RBM44: variants seen among roughly 807,000 people sequenced by gnomAD.
The protein encoded by RBM44 is RNA-binding protein 44.
Under a neutral mutation model 105.1 loss-of-function variants are expected in RBM44, and 66 were observed. The observed-to-expected ratio is 0.63, with a 90% CI of 0.52 to 0.77. RBM44 has a LOEUF of 0.77. RBM44 is among the 30% of genes least tolerant of loss of function. The probability of loss-of-function intolerance (pLI) is 0.00; values close to 1 mark genes in which losing one functional copy is unlikely to be tolerated. For synonymous variants in RBM44, 365 were observed against 417.6 expected (o/e 0.87, Z 1.54); for missense variants, 1,122 against 1,207.8 (o/e 0.93, Z 1.05).
intron 1 of RBM44, among the ~76,000 whole-genome samples, chr2:237,806,953 T>C (rs1161795605): frequency 1.3e-5 from 2 of 152,224 alleles, no homozygotes; most frequent in African/African-American, 4.8e-5. Context: ...TTTATAAGAT[T>C]GTTATCTTTT....
rs1478281333 is a variant in RBM44, at chr2:237,827,335, C to T, written c.2529+6C>T. ...TCTGCCCTTCAGTATCTGAGGTATA[C>T]CAGGATTATTTTTTTGAGCTTCATT... On this transcript the variant is annotated splice_donor_region_variant and intron_variant, in intron 11 of 15. Transcript: ENST00000316997. 1 of 1,544,506 alleles carries T rather than the reference C, an allele frequency of 6.5e-7. No homozygotes were observed. The highest frequency in any genetic ancestry group is 8.9e-7 in the Non-Finnish European group (1 of 1,128,832).
chr2:237,811,142 A>G (rs2061654391), intron 1 of RBM44, among the ~76,000 whole-genome samples: 1 of 152,176 alleles, frequency 6.6e-6, no homozygotes, highest in Non-Finnish European at 1.5e-5. Flanking sequence ...ATTAACCCTC[A>G]GTTTCACCTG....
rs1559912307 is a variant in RBM44 at position 237,817,733 on chromosome 2, GA to G, written c.816del (p.Glu272AspfsTer5). 1.2e-6 allele frequency: 2 copies of G among 1,612,272 alleles called. No homozygotes were observed. The highest frequency in any genetic ancestry group is 1.7e-6 in the Non-Finnish European group (2 of 1,179,130). On this transcript the variant is annotated frameshift_variant, in exon 3 of 16. Coordinates refer to ENST00000316997, the MANE Select transcript of RBM44 (RefSeq NM_001080504.3). LOFTEE classifies it high-confidence loss of function. Reference sequence around the variant, plus strand: ...ATTTCAGAATTCTGTTATGTTAAGAGAATATCATGACCTAAAGCATGAAAAG... The same window carrying G: ...ATTTCAGAATTCTGTTATGTTAAGAGATATCATGACCTAAAGCATGAAAAG... ...SKFQNSVMLR[E>X]YHDLKHEKYK... is the part of the protein sequence containing the mutation.
intron 1 of RBM44, among the ~76,000 whole-genome samples, chr2:237,805,680 C>T (rs1395596903): frequency 3.3e-5 from 5 of 152,122 alleles, no homozygotes; most frequent in Non-Finnish European, 5.9e-5. Flanking sequence ...TGTAAGACCT[C>T]GAGGCCAGGT....
At chr2:237,815,843 T>C (rs2061709348) in intron 2 of RBM44, among the ~76,000 whole-genome samples, 1 of 152,120 alleles carries the variant, frequency 6.6e-6, no homozygotes, top group African/African-American at 2.4e-5. Flanking sequence ...GTCCCACCTC[T>C]GTTTTGGTAC....
At chr2:237,814,198 A>C (rs1212299033) in intron 2 of RBM44, among the ~76,000 whole-genome samples, 1 of 152,192 alleles carries the variant, frequency 6.6e-6, no homozygotes, top group Non-Finnish European at 1.5e-5. Context: ...TTCATGAGAC[A>C]TATTTAAAAC....
At chr2:237,829,599 T>G in intron 13 of RBM44, 97 bp downstream of exon 13, 1 of 1,061,440 alleles carries the variant, frequency 9.4e-7, no homozygotes, top group South Asian at 1.6e-5. Context: ...AGTCTTGAAA[T>G]GGGAATGACA....
intron 13 of RBM44, among the ~76,000 whole-genome samples, chr2:237,832,561 A>G (rs916602282): frequency 1.3e-5 from 2 of 152,166 alleles, no homozygotes; most frequent in Non-Finnish European, 2.9e-5. Context: ...GCAGTGGGCC[A>G]TGGGGTTGGG....
intron 1 of RBM44, among the ~76,000 whole-genome samples, chr2:237,801,516 G>A (rs959697269): frequency 1.3e-5 from 2 of 152,092 alleles, no homozygotes; most frequent in African/African-American, 4.8e-5. Flanking sequence ...GTTAGAAACA[G>A]GGGTTTCACC....
At chr2:237,821,940 T>C in intron 8 of RBM44, 113 bp downstream of exon 8, 1 of 682,842 alleles carries the variant, frequency 1.5e-6, no homozygotes, top group Non-Finnish European at 2.6e-6. Flanking sequence ...CTGGCTTACT[T>C]TGTGTACTAC....
chr2:237,822,880 A>G (rs1047078525), intron 8 of RBM44, among the ~76,000 whole-genome samples: 2 of 151,996 alleles, frequency 1.3e-5, no homozygotes, highest in South Asian at 2.1e-4. Flanking sequence ...AACTCAGTAT[A>G]GTGTTTCTAA....
chr2:237,834,357 G>A lies in RBM44; in HGVS notation c.3112G>A (p.Val1038Met), dbSNP rs772544803. The A allele has an allele frequency of 1.3e-6, 2 of 1,552,672 alleles. No homozygotes were observed. The highest frequency in any genetic ancestry group is 4.7e-5 in the East Asian group (2 of 42,816). Reference sequence around the variant, plus strand: ...GAATGGCTTATCTATTACTACTATTGTGGAGATGACTTCATCTCTTCTGAA... The same window carrying A: ...GAATGGCTTATCTATTACTACTATTATGGAGATGACTTCATCTCTTCTGAA... ...FLNGLSITTI[V>M]EMTSSLLKNS... Residue 1038 changes from valine (V) to methionine (M), a missense_variant, in exon 15 of 16, where the codon GTG (valine) becomes ATG (methionine). By Grantham distance (21) the Val-to-Met change is conservative. This residue lies in a region of RBM44 where 194 missense variants were observed against 225.5 expected (regional missense o/e 0.86). Coordinates refer to ENST00000316997, the MANE Select transcript of RBM44 (RefSeq NM_001080504.3).
In RBM44 at chr2:237,813,164, C is replaced by T. The variant is rs1031055690; in HGVS notation, c.-18-428C>T. 2.0e-5 allele frequency among the ~76,000 whole-genome samples: 3 copies of T among 152,178 alleles called. No individual in the cohort carries two copies. The East Asian group carries it at 5.8e-4, about 29-fold the overall frequency. On this transcript the variant is annotated intron_variant, in intron 1 of 15. Transcript: ENST00000316997. ...TCCCAGGCAGCTACTAATATACTTTCTCTATATACATTTTCTTGCTTTGGA... is the reference window on the plus strand; with the variant it reads ...TCCCAGGCAGCTACTAATATACTTTTTCTATATACATTTTCTTGCTTTGGA...
chr2:237,838,888 C>T (rs531699654), intron 15 of RBM44, among the ~76,000 whole-genome samples: 55 of 152,308 alleles, frequency 3.6e-4, no homozygotes, highest in African/African-American at 1.3e-3. Context: ...ACCAGGGAAG[C>T]TCATTAAAGA....
chr2:237,800,477 A>G (rs976045304), intron 1 of RBM44, among the ~76,000 whole-genome samples: 5 of 152,244 alleles, frequency 3.3e-5, no homozygotes, highest in African/African-American at 9.6e-5. Context: ...CTTGCAGCAC[A>G]CTGCAGATTT....
At chr2:237,816,285 C>T (rs1048133533) in intron 2 of RBM44, among the ~76,000 whole-genome samples, 12 of 152,060 alleles carry the variant, frequency 7.9e-5, no homozygotes, top group Admixed American at 2.0e-4. Flanking sequence ...CCTTATGACC[C>T]TATGAAAACT....
At chr2:237,820,499 A>T in intron 5 of RBM44, 148 bp downstream of exon 5, 1 of 503,800 alleles carries the variant, frequency 2.0e-6, no homozygotes, top group Non-Finnish European at 3.5e-6. Flanking sequence ...AGGGTAATAG[A>T]ACCCTTGAGT....
At chr2:237,819,237 TTTCACTTTA>T (rs1206662998) in intron 4 of RBM44, among the ~76,000 whole-genome samples, 4 of 152,112 alleles carry the variant, frequency 2.6e-5, no homozygotes, top group African/African-American at 7.2e-5. Flanking sequence ...TTCCATTTCC[TTTCACTTTA>T]TTCACCTGTA....
Position 237,818,425 on chromosome 2 carries a change from G to A in RBM44, c.1506G>A (p.Met502Ile). Reference protein sequence around the residue: ...STSSNTEITMMNKKRPDEWQN... With the variant: ...STSSNTEITMINKKRPDEWQN... ...CAAGCAACACAGAGATAACAATGAT[G>A]AATAAAAAACGACCTGATGAATGGC... Residue 502 changes from methionine (M) to isoleucine (I), a missense_variant, in exon 3 of 16, where the codon ATG becomes ATA. Met to Ile is a conservative substitution (Grantham distance 10). This residue lies in a region of RBM44 where 918 missense variants were observed against 955.3 expected (regional missense o/e 0.96). Transcript: ENST00000316997. The surrounding 1 kb of genome is among the most constrained non-coding windows in gnomAD (Gnocchi z 4.6). The A allele has an allele frequency of 6.5e-7, 1 of 1,545,388 alleles. No individual in the cohort carries two copies. Among genetic ancestry groups the A allele is most frequent in the Non-Finnish European group, 8.8e-7 (1 of 1,138,210 alleles).
Sources: allele counts gnomAD v4.1 joint callset (sites outside exome capture counted in the v4.1 genomes callset), GRCh38; gene constraint gnomAD v4.1.1; regional missense constraint gnomAD v4.1.1; non-coding constraint Gnocchi (gnomAD v3.1); transcripts MANE v1.5; gene names NCBI Gene and HGNC (gene_info 2026-07-23, HGNC 2026-07-21).